Variants in SUGCT observed in about 807,000 individuals in gnomAD.
SUGCT encodes succinyl-CoA:glutarate-CoA transferase.
In SUGCT, 41 loss-of-function variants were observed where a neutral mutation model predicts 55.0. The observed-to-expected ratio is 0.74, with a 90% CI of 0.58 to 0.97. SUGCT has a LOEUF of 0.97. Ranked by LOEUF, SUGCT falls within the 50% of genes least tolerant of loss-of-function variation. The pLI, the probability that SUGCT is intolerant of heterozygous loss-of-function variation, is 0.00. For synonymous variants in SUGCT, 187 were observed against 200.4 expected, an observed-to-expected ratio of 0.93 and a Z score of 0.56; for missense variants, 568 against 547.8, an observed-to-expected ratio of 1.04 and a Z score of -0.37.
chr7:40,705,854 A>G (rs1005121975), intron 12 of SUGCT, among the ~76,000 whole-genome samples: 2 of 152,042 alleles, frequency 1.3e-5, no homozygotes, highest in Non-Finnish European at 2.9e-5. Flanking sequence ...TATCTCAGAA[A>G]CTCAGAGGGG....
At chr7:40,321,663 G>A (rs1262351604) in intron 9 of SUGCT, among the ~76,000 whole-genome samples, 3 of 147,738 alleles carry the variant, frequency 2.0e-5, no homozygotes, top group East Asian at 2.0e-4. Context: ...GATTCCAGGC[G>A]AGAGCCACCG....
intron 7 of SUGCT, among the ~76,000 whole-genome samples, chr7:40,265,294 T>TTTA (rs1204607206): frequency 6.6e-6 from 1 of 152,196 alleles, no homozygotes; most frequent in African/African-American, 2.4e-5. Context: ...TATGAAGTAA[T>TTTA]TAGGTTGAGT....
At chr7:40,564,755 G>C (rs1367904630) in intron 12 of SUGCT, among the ~76,000 whole-genome samples, 1 of 152,148 alleles carries the variant, frequency 6.6e-6, no homozygotes, top group Non-Finnish European at 1.5e-5. Flanking sequence ...CTAACTTCTT[G>C]TGCCCACTGA....
chr7:40,173,677 C>A (rs1018981424), intron 1 of SUGCT, among the ~76,000 whole-genome samples: 1 of 151,896 alleles, frequency 6.6e-6, no homozygotes, highest in Non-Finnish European at 1.5e-5. Context: ...TTAAAAGCCC[C>A]GTGTTTAAAG....
chr7:40,780,266 T>G (rs1044487756), intron 13 of SUGCT, among the ~76,000 whole-genome samples: 2 of 152,178 alleles, frequency 1.3e-5, no homozygotes, highest in Non-Finnish European at 2.9e-5. Flanking sequence ...ATCGTGCTGT[T>G]TTCTGTTTTT....
At chr7:40,291,214 A>G (rs1384625099) in intron 8 of SUGCT, among the ~76,000 whole-genome samples, 4 of 152,138 alleles carry the variant, frequency 2.6e-5, no homozygotes, top group Non-Finnish European at 5.9e-5. Context: ...ACGTGTGTTT[A>G]TTGCGGCACT....
At chr7:40,809,961 A>T (rs1791317760) in intron 13 of SUGCT, among the ~76,000 whole-genome samples, 1 of 152,084 alleles carries the variant, frequency 6.6e-6, no homozygotes, top group Non-Finnish European at 1.5e-5. Flanking sequence ...ACATGATTTC[A>T]TTCTTTTTTA....
chr7:40,508,557 G>A (rs1257148171), intron 12 of SUGCT, among the ~76,000 whole-genome samples: 1 of 152,148 alleles, frequency 6.6e-6, no homozygotes, highest in East Asian at 1.9e-4. Context: ...CAGAGGTGTA[G>A]AGCTTGGTAG....
chr7:40,773,219 C>G (rs1331101160), intron 13 of SUGCT, among the ~76,000 whole-genome samples: 2 of 150,904 alleles, frequency 1.3e-5, no homozygotes, highest in Non-Finnish European at 3.0e-5. Context: ...ACTTCCACCT[C>G]CTGGGTTCAA....
intron 13 of SUGCT, among the ~76,000 whole-genome samples, chr7:40,834,882 G>T (rs1792879529): frequency 6.6e-6 from 1 of 152,154 alleles, no homozygotes; most frequent in East Asian, 1.9e-4. Context: ...TAGTATTCGG[G>T]GTCTTCTCCA....
the SUGCT span, among the ~76,000 whole-genome samples, chr7:40,989,544 A>T: frequency 6.6e-6 from 1 of 151,960 alleles, no homozygotes; most frequent in East Asian, 1.9e-4. Flanking sequence ...ATGTGAGCTG[A>T]TCACCTGAGG....
At chr7:40,693,994 C>G (rs1784810722) in intron 12 of SUGCT, among the ~76,000 whole-genome samples, 2 of 152,202 alleles carry the variant, frequency 1.3e-5, no homozygotes, top group African/African-American at 2.4e-5. Flanking sequence ...TTAAAGATGT[C>G]AGGATCCATT....
intron 12 of SUGCT, among the ~76,000 whole-genome samples, chr7:40,733,655 G>C (rs1360925538): frequency 6.6e-6 from 1 of 152,170 alleles, no homozygotes; most frequent in South Asian, 2.1e-4. Context: ...TGCAGTGTCC[G>C]TGTCTTTCTG....
intron 9 of SUGCT, among the ~76,000 whole-genome samples, chr7:40,405,917 G>A (rs747324971): frequency 1.3e-5 from 2 of 151,930 alleles, no homozygotes; most frequent in African/African-American, 2.4e-5. Flanking sequence ...TGACCACACA[G>A]TGCGTTCTTC....
At chr7:40,482,765 CT>C (rs1791124522) in intron 11 of SUGCT, among the ~76,000 whole-genome samples, 1 of 152,156 alleles carries the variant, frequency 6.6e-6, no homozygotes, top group Non-Finnish European at 1.5e-5. Flanking sequence ...TACGTCTGAA[CT>C]GTGAATGATT....
intron 6 of SUGCT, among the ~76,000 whole-genome samples, chr7:40,219,531 G>A (rs1382627596): frequency 6.6e-6 from 1 of 152,008 alleles, no homozygotes; most frequent in South Asian, 2.1e-4. Context: ...GTTGTAATTG[G>A]ATGTCATGAT....
the SUGCT span, among the ~76,000 whole-genome samples, chr7:40,906,088 C>A: frequency 6.6e-6 from 1 of 152,018 alleles, no homozygotes; most frequent in Non-Finnish European, 1.5e-5. Flanking sequence ...TGTTGTGCAA[C>A]CATCATCACC....
chr7:40,819,711 C>T (rs1329157982), intron 13 of SUGCT, among the ~76,000 whole-genome samples: 1 of 152,132 alleles, frequency 6.6e-6, no homozygotes, highest in African/African-American at 2.4e-5. Context: ...TTTAGGTTGC[C>T]TGTTCACTCT....
chr7:40,239,473 T>A (rs1403570863), intron 7 of SUGCT, among the ~76,000 whole-genome samples: 1 of 152,206 alleles, frequency 6.6e-6, no homozygotes, highest in African/African-American at 2.4e-5. Flanking sequence ...TAGGCTCTCA[T>A]GTGGCCAAGA....
Sources: gnomAD v4.1 joint callset for allele counts (sites outside exome capture counted in the v4.1 genomes callset) on GRCh38, gnomAD v4.1.1 for gene constraint, MANE v1.5 for transcripts, NCBI Gene and HGNC (gene_info 2026-07-23, HGNC 2026-07-21) for gene names.